GNL3L: variants seen among roughly 807,000 people sequenced by gnomAD.
The protein encoded by GNL3L is guanine nucleotide-binding protein-like 3-like protein.
GNL3L carries 4 observed loss-of-function variants against 42.9 expected under a neutral mutation model. The observed-to-expected ratio is 0.09, with a 90% CI of 0.05 to 0.21. The LOEUF (loss-of-function observed/expected upper bound fraction) is 0.21, where lower values mean the gene tolerates loss of function less well. GNL3L is among the 10% of genes least tolerant of loss of function. The probability of loss-of-function intolerance (pLI) is 1.00; values close to 1 mark genes in which losing one functional copy is unlikely to be tolerated. For synonymous variants in GNL3L, 159 were observed against 176.3 expected (o/e 0.90, Z 0.78); for missense variants, 412 against 481.7 (o/e 0.86, Z 1.36).
In GNL3L at chrX:54,564,402, C is replaced by CTTTTTT. The variant is rs567172499; in HGVS notation, c.*3815_*3820dup. On this transcript the variant is annotated 3_prime_UTR_variant, in exon 16 of 16. Coordinates refer to ENST00000360845, the MANE Select transcript of GNL3L (RefSeq NM_001184819.2). ...AGTCACTGGTTTTTTTCTTCGTTCT[C>CTTTTTT]TTTTTTTTTTTTTTTTTTTTGAGAC... Among the ~76,000 whole-genome samples, 4 of 80,795 alleles carry CTTTTTT rather than the reference C, an allele frequency of 5.0e-5. No individual in the cohort carries two copies. The highest frequency in any genetic ancestry group is 1.5e-4 in the African/African-American group (3 of 20,078). 70.2% of individuals were successfully genotyped at this position (80,795 alleles called of 115,157 possible).
intron 16 of GNL3L, among the ~76,000 whole-genome samples, chrX:54,576,017 A>G (rs1925630706): frequency 8.9e-6 from 1 of 112,147 alleles, no homozygotes; most frequent in African/African-American, 3.2e-5. Flanking sequence ...TGTGGGATGG[A>G]GTGTTCTAAG....
At chrX:54,596,597 C>T (rs1925934072) in intron 16 of GNL3L, among the ~76,000 whole-genome samples, 2 of 112,223 alleles carry the variant, frequency 1.8e-5, no homozygotes. Context: ...GCTCTACAAT[C>T]AGCAGGTGGC....
chrX:54,630,720 C>CTTTCTTTCTTTCTTTCTT, the GNL3L span, among the ~76,000 whole-genome samples: 2 of 73,736 alleles, frequency 2.7e-5, no homozygotes, highest in African/African-American at 1.6e-4. Flanking sequence ...TTCTTTCTTT[C>CTTTCTTTCTTTCTTTCTT]TTTCTTTCTT....
intron 16 of GNL3L, among the ~76,000 whole-genome samples, chrX:54,589,548 A>G (rs1310513343): frequency 2.7e-5 from 3 of 111,817 alleles, no homozygotes; most frequent in Non-Finnish European, 3.8e-5. Context: ...AGTTCCAGCC[A>G]TGTTGTTGCA....
intron 16 of GNL3L, among the ~76,000 whole-genome samples, chrX:54,580,931 C>T (rs1439458526): frequency 9.0e-6 from 1 of 111,483 alleles, no homozygotes; most frequent in Admixed American, 9.5e-5. Context: ...CAGGCGCGTG[C>T]CACCACACCT....
In GNL3L at chrX:54,558,676, C is replaced by T. The variant is rs770833376; in HGVS notation, c.1666+21C>T. 1.1e-5 allele frequency: 12 copies of T among 1,105,301 alleles called. No individual in the cohort carries two copies. In the African/African-American group the frequency reaches 2.2e-4, roughly 20 times the overall value. The allele number at this position is 1,105,301 out of a possible 1,213,427, so 91.1% of individuals were successfully genotyped here. ...TGCAGGTGGGAGCCCCAGACCAACCCTGTGCTCTGAAAGGGGCCCACATGG... is the reference window on the plus strand; with the variant it reads ...TGCAGGTGGGAGCCCCAGACCAACCTTGTGCTCTGAAAGGGGCCCACATGG... On this transcript the variant is annotated intron_variant, in intron 15 of 15. Transcript: ENST00000360845.
At chrX:54,530,745 A>G (rs1479644661) in intron 1 of GNL3L, among the ~76,000 whole-genome samples, 1 of 112,301 alleles carries the variant, frequency 8.9e-6, no homozygotes, top group Non-Finnish European at 1.9e-5. Context: ...CCAGCTGAGC[A>G]GCGCAGACTT....
At chrX:54,598,078 G>A (rs918219690) in intron 16 of GNL3L, among the ~76,000 whole-genome samples, 3 of 111,598 alleles carry the variant, frequency 2.7e-5, no homozygotes, top group East Asian at 2.8e-4. Context: ...TGTTAAATTG[G>A]TGTTCTTGCA....
intron 16 of GNL3L, among the ~76,000 whole-genome samples, chrX:54,617,981 GTC>G (rs1432722233): frequency 2.7e-5 from 3 of 111,380 alleles, no homozygotes; most frequent in Non-Finnish European, 5.7e-5. Flanking sequence ...GCCTTTCTCA[GTC>G]TCTTTTATAT....
At chrX:54,598,229 C>T (rs1439860858) in intron 16 of GNL3L, among the ~76,000 whole-genome samples, 4 of 111,051 alleles carry the variant, frequency 3.6e-5, no homozygotes, top group African/African-American at 9.8e-5. Flanking sequence ...CTCTGCCTTC[C>T]TCTGTCAACA....
In GNL3L at chrX:54,565,425, G is replaced by T. The variant is rs1466639721; in HGVS notation, c.*4823G>T. On this transcript the variant is annotated 3_prime_UTR_variant, in exon 16 of 16. Coordinates refer to ENST00000360845, the MANE Select transcript of GNL3L (RefSeq NM_001184819.2). ...TACCATTTCACATTCCCATCAGTAT[G>T]AAAGTTTCATTTCCACATCCTCTCT... Among the ~76,000 whole-genome samples, 4 of 112,278 alleles carry T rather than the reference G, an allele frequency of 3.6e-5. No homozygotes were observed. The East Asian group carries it at 1.1e-3, about 31-fold the overall frequency.
chrX:54,569,421 T>A (rs1925513381), downstream of GNL3L, among the ~76,000 whole-genome samples: 1 of 111,975 alleles, frequency 8.9e-6, no homozygotes, highest in Non-Finnish European at 1.9e-5. Context: ...TGGTAATTAG[T>A]ATTTTAAAGA....
chrX:54,549,778 C>T (rs925307624), intron 9 of GNL3L, among the ~76,000 whole-genome samples: 4 of 112,044 alleles, frequency 3.6e-5, no homozygotes, highest in African/African-American at 1.3e-4. Flanking sequence ...AATCACATAC[C>T]TAGAGTTACA....
the GNL3L span, among the ~76,000 whole-genome samples, chrX:54,627,623 T>G: frequency 0.15 from 16,402 of 110,899 alleles, 1,998 homozygotes; most frequent in African/African-American, 0.41. Context: ...GAAATTTATT[T>G]TTTGGATGTA....
rs189487626 is a variant in GNL3L at position 54,587,565 on chromosome X, T to C, written c.*45+26918T>C. On this transcript the variant is annotated intron_variant, in intron 16 of 16. Coordinates refer to the GNL3L transcript ENST00000674498. ...AGTATAGCTCCACTAATTTAGGTCT[T>C]CTTTGATTTCATTCTTCAGTGTTTT... 3.7e-3 allele frequency among the ~76,000 whole-genome samples: 411 copies of C among 112,310 alleles called. 2 individuals carry two copies. The highest frequency in any genetic ancestry group is 0.012 in the African/African-American group (383 of 31,015).
In GNL3L at chrX:54,597,569, GC is replaced by G. The variant is rs1308737803; in HGVS notation, c.*46-23269del. On this transcript the variant is annotated intron_variant, in intron 16 of 16. Coordinates refer to the GNL3L transcript ENST00000674498. ...AGGCTGGCATCATAGTAGGTCCTGT[GC>G]CCCCCCGCCCCAATCCCGTGGCCTT... Among the ~76,000 whole-genome samples the G allele has an allele frequency of 7.2e-5, 8 of 110,613 alleles. No homozygotes were observed. In the East Asian group the frequency reaches 8.6e-4, roughly 12 times the overall value.
chrX:54,597,845 T>G (rs1047599375), intron 16 of GNL3L, among the ~76,000 whole-genome samples: 2 of 111,043 alleles, frequency 1.8e-5, no homozygotes, highest in Non-Finnish European at 3.8e-5. Flanking sequence ...TTGAGTTCAA[T>G]GCTTCACAAT....
intron 16 of GNL3L, among the ~76,000 whole-genome samples, chrX:54,607,797 A>G (rs1023655618): frequency 4.5e-5 from 5 of 112,107 alleles, no homozygotes; most frequent in African/African-American, 1.6e-4. Context: ...ATGAGGAGTC[A>G]TGTATAAAAA....
In GNL3L at chrX:54,541,295, A is replaced by C. The variant is rs761523084; in HGVS notation, c.212A>C (p.Gln71Pro). The C allele has an allele frequency of 8.3e-7, 1 of 1,208,349 alleles. No individual in the cohort carries two copies. The highest frequency in any genetic ancestry group is 1.1e-6 in the Non-Finnish European group (1 of 892,523). Residue 71 changes from glutamine to proline, a missense_variant, in exon 5 of 16, where the codon CAG becomes CCG. By Grantham distance (76) the Gln-to-Pro change is moderately conservative (BLOSUM62 -1). Transcript: ENST00000360845. ...TAGGTTGAGGAGATGAGGGAGAAGC[A>C]GCAAGCCGCCCGGGAGCAAGAAAGA... is the stretch of plus-strand genomic sequence containing the variant. The part of the protein sequence containing the change: ...KKWVEEMREK[Q>P]QAAREQERQK...
Sources: gnomAD v4.1 joint callset for allele counts (sites outside exome capture counted in the v4.1 genomes callset) on GRCh38, gnomAD v4.1.1 for gene constraint, MANE v1.5 for transcripts, NCBI Gene and HGNC (gene_info 2026-07-23, HGNC 2026-07-21) for gene names.